Variants in SMIM13 observed in about 807,000 individuals in gnomAD.
SMIM13 encodes UPF0766 protein C6orf228.
SMIM13 carries 3 observed loss-of-function variants against 5.9 expected under a neutral mutation model. The observed-to-expected ratio is 0.51, with a 90% CI of 0.23 to 1.31. The LOEUF is 1.31. Ranked by LOEUF, SMIM13 falls within the 40% of genes most tolerant of loss-of-function variation. The probability of loss-of-function intolerance (pLI) is 0.18; values close to 1 mark genes in which losing one functional copy is unlikely to be tolerated. For synonymous variants in SMIM13, 55 were observed against 46.0 expected, an observed-to-expected ratio of 1.19 and a Z score of -0.79; for missense variants, 85 against 109.9, an observed-to-expected ratio of 0.77 and a Z score of 1.01.
At chr6:11,104,449 T>TATGGAAATGAA (rs1380604260) in intron 1 of SMIM13, 28 of 1,551,708 alleles carry the variant, frequency 1.8e-5, no homozygotes, top group Admixed American at 7.8e-5. Context: ...CATGTAGAGA[T>TATGGAAATGAA]ATGGAAATGA....
chr6:11,113,382 G>T (rs911343699), intron 1 of SMIM13, among the ~76,000 whole-genome samples: 2 of 152,086 alleles, frequency 1.3e-5, no homozygotes, highest in Admixed American at 6.6e-5. Context: ...ATTATTTTCA[G>T]CATCTTTTAT....
At chr6:11,103,787 G>C in intron 1 of SMIM13, 1 of 1,551,658 alleles carries the variant, frequency 6.4e-7, no homozygotes, top group Non-Finnish European at 8.7e-7. Flanking sequence ...AGACAAATTG[G>C]GTTATTAGAT....
chr6:11,095,011 T>C (rs1184078435), intron 1 of SMIM13, among the ~76,000 whole-genome samples: 1 of 152,238 alleles, frequency 6.6e-6, no homozygotes, highest in Admixed American at 6.5e-5. Context: ...GAGAGGACGT[T>C]CAACTTTTTT....
At chr6:11,112,797 T>G (rs1424925758) in intron 1 of SMIM13, among the ~76,000 whole-genome samples, 3 of 152,014 alleles carry the variant, frequency 2.0e-5, no homozygotes, top group Non-Finnish European at 2.9e-5. Context: ...GCTGTTAGTA[T>G]TATTATTGTT....
chr6:11,127,546 C>T (rs199542552), intron 1 of SMIM13, among the ~76,000 whole-genome samples: 3 of 152,304 alleles, frequency 2.0e-5, no homozygotes, highest in East Asian at 3.9e-4. Context: ...TACAGTTCCA[C>T]GTGGCTGGGG....
intron 1 of SMIM13, among the ~76,000 whole-genome samples, chr6:11,110,225 G>A (rs1400430616): frequency 6.6e-6 from 1 of 152,174 alleles, no homozygotes; most frequent in African/African-American, 2.4e-5. Context: ...CCCCTACCCT[G>A]ATCCCATCCC....
chr6:11,095,930 G>T (rs1757917127), intron 1 of SMIM13, among the ~76,000 whole-genome samples: 1 of 152,132 alleles, frequency 6.6e-6, no homozygotes. Context: ...GAGCTACCTG[G>T]ACATGGGAAT....
chr6:11,111,268 A>G (rs1357655439), intron 1 of SMIM13, among the ~76,000 whole-genome samples: 1 of 152,244 alleles, frequency 6.6e-6, no homozygotes, highest in East Asian at 1.9e-4. Flanking sequence ...CTTACCCCCA[A>G]GGCAGTTGGT....
At chr6:11,126,300 G>A (rs1354740791) in intron 1 of SMIM13, among the ~76,000 whole-genome samples, 2 of 152,110 alleles carry the variant, frequency 1.3e-5, no homozygotes, top group Admixed American at 6.5e-5. Context: ...TGCCTGCCTC[G>A]GCTTCCCAAA....
At chr6:11,125,051 G>A (rs1002722714) in intron 1 of SMIM13, among the ~76,000 whole-genome samples, 19 of 152,278 alleles carry the variant, frequency 1.2e-4, no homozygotes, top group Admixed American at 1.1e-3. Context: ...GCTGAGGCCA[G>A]TGGATCACCT....
At chr6:11,114,275 T>C (rs1758207739) in intron 1 of SMIM13, among the ~76,000 whole-genome samples, 1 of 152,168 alleles carries the variant, frequency 6.6e-6, no homozygotes, top group Non-Finnish European at 1.5e-5. Context: ...AAGGTAGTTT[T>C]ACCTTTTCTT....
chr6:11,113,619 A>G (rs149530559), intron 1 of SMIM13, among the ~76,000 whole-genome samples: 3,065 of 152,216 alleles, frequency 0.02, 48 homozygotes, highest in South Asian at 0.05. Flanking sequence ...TTTGTTGCCC[A>G]GGCTGGAGTA....
At chr6:11,130,235 T>C (rs1481774747) in intron 1 of SMIM13, among the ~76,000 whole-genome samples, 3 of 143,090 alleles carry the variant, frequency 2.1e-5, no homozygotes, top group Non-Finnish European at 4.5e-5. Context: ...TCCCAACCTA[T>C]CATTACAGTA....
chr6:11,102,559 GGTCTCTACTAC>G (rs1200109057), intron 1 of SMIM13: 1 of 152,166 alleles, frequency 6.6e-6, no homozygotes, highest in East Asian at 1.9e-4. Flanking sequence ...CAAGCAACTG[GGTCTCTACTAC>G]AGAGGTACAA....
At chr6:11,107,735 C>T (rs1464688546) in intron 1 of SMIM13, among the ~76,000 whole-genome samples, 2 of 152,172 alleles carry the variant, frequency 1.3e-5, no homozygotes, top group African/African-American at 4.8e-5. Context: ...ATTTATGATT[C>T]TCAGGTCCTG....
At chr6:11,126,143 G>A (rs531105419) in intron 1 of SMIM13, among the ~76,000 whole-genome samples, 11 of 152,186 alleles carry the variant, frequency 7.2e-5, no homozygotes, top group African/African-American at 1.9e-4. Flanking sequence ...TCCGCCTCCC[G>A]GGTTCAAGCA....
chr6:11,094,401 C>T lies in SMIM13; in HGVS notation c.76+12C>T. On this transcript the variant is annotated intron_variant, in intron 1 of 1. Transcript: ENST00000416247. ...GCTGATGGTGTGCGGTGAGTGGGGG[C>T]GGTAGCCGCGAGGCAGTTCCACACG... The T allele has an allele frequency of 6.5e-7, 1 of 1,531,686 alleles. No homozygotes were observed. The highest frequency in any genetic ancestry group is 1.2e-5 in the South Asian group (1 of 83,478). 94.9% of individuals were successfully genotyped at this position (1,531,686 alleles called of 1,614,324 possible). A position where few individuals can be genotyped will look rare whatever the true frequency, so the allele number is the denominator to read the frequency against.
chr6:11,114,534 A>C (rs2113654257), intron 1 of SMIM13, among the ~76,000 whole-genome samples: 1 of 101,752 alleles, frequency 9.8e-6, no homozygotes, highest in South Asian at 3.6e-4. Flanking sequence ...TCAGGAGTGG[A>C]TATTGGATTT....
intron 1 of SMIM13, among the ~76,000 whole-genome samples, chr6:11,106,343 C>T (rs1758082715): frequency 6.6e-6 from 1 of 152,222 alleles, no homozygotes; most frequent in South Asian, 2.1e-4. Context: ...GGGTATGTAC[C>T]TCTCCTTTGG....
Sources: gnomAD v4.1 joint callset for allele counts (sites outside exome capture counted in the v4.1 genomes callset) on GRCh38, gnomAD v4.1.1 for gene constraint, MANE v1.5 for transcripts, NCBI Gene and HGNC (gene_info 2026-07-23, HGNC 2026-07-21) for gene names.